XRCC2: variants seen among roughly 807,000 people sequenced by gnomAD.
XRCC2 encodes the protein X-ray repair cross complementing 2, also known as DNA repair protein XRCC2.
In XRCC2, 24 loss-of-function variants were observed where a neutral mutation model predicts 27.3. The ratio of observed to expected loss-of-function variants is 0.88; its 90% CI spans 0.64 to 1.24. XRCC2 has a LOEUF of 1.24. Ranked by LOEUF, XRCC2 falls within the 50% of genes most tolerant of loss-of-function variation. XRCC2 has a pLI of 0.00. For missense variants in XRCC2, 321 were observed against 325.8 expected (o/e 0.99, Z 0.11); for synonymous variants, 106 against 115.4 (o/e 0.92, Z 0.52).
rs766218058 is a variant in XRCC2, at chr7:152,676,098, C to A, written c.-19G>T. 3.0e-5 allele frequency: 49 copies of A among 1,613,716 alleles called. No individual in the cohort carries two copies. The highest frequency in any genetic ancestry group is 4.0e-5 in the Non-Finnish European group (47 of 1,179,790). The stretch of plus-strand genomic sequence containing the variant: ...TACACATCGCCCCGAAGGCTCGGCG[C>A]AGGAGAGACTCAACTTTCCCGCCAC... On this transcript the variant is annotated 5_prime_UTR_variant, in exon 1 of 3. Transcript: ENST00000359321.
intron 1 of XRCC2, among the ~76,000 whole-genome samples, chr7:152,675,310 G>A (rs1474448434): frequency 1.3e-5 from 2 of 152,070 alleles, no homozygotes; most frequent in African/African-American, 4.8e-5. Context: ...CATCTTCCAT[G>A]ATGCCCGCCC....
intron 1 of XRCC2, among the ~76,000 whole-genome samples, chr7:152,673,269 G>A (rs1049086826): frequency 2.0e-5 from 3 of 151,832 alleles, no homozygotes; most frequent in Non-Finnish European, 4.4e-5. Context: ...TGAAACCCCC[G>A]CCTCCCGGGT....
rs1332728626 is a variant in XRCC2 at position 152,645,022 on chromosome 7, T to C, written c.*3620A>G. 6.6e-6 allele frequency: 1 copy of C among 152,198 alleles called. No individual in the cohort carries two copies. The highest frequency in any genetic ancestry group is 2.4e-5 in the African/African-American group (1 of 41,456). 9.4% of individuals were successfully genotyped at this position (152,198 alleles called of 1,614,324 possible). A position where few individuals can be genotyped will look rare whatever the true frequency, so the allele number is the denominator to read the frequency against. On this transcript the variant is annotated 3_prime_UTR_variant, in exon 3 of 3. Coordinates refer to ENST00000359321, the MANE Select transcript of XRCC2 (RefSeq NM_005431.2). The stretch of plus-strand genomic sequence containing the variant: ...TCCAAGAATAGTTTTTATATTTTAT[T>C]TTCACATTGAAAATCAGTAAGATTT...
intron 2 of XRCC2, among the ~76,000 whole-genome samples, chr7:152,654,150 T>C (rs3218507): frequency 0.01 from 1,483 of 144,078 alleles, 17 homozygotes; most frequent in African/African-American, 0.023. Flanking sequence ...TGAGCCCAGA[T>C]TGCGCCATTG....
chr7:152,662,428 G>A (rs2098033520), intron 1 of XRCC2, among the ~76,000 whole-genome samples: 1 of 151,998 alleles, frequency 6.6e-6, no homozygotes, highest in Admixed American at 6.6e-5. Flanking sequence ...CAATCTCGGT[G>A]AAGGATTTAA....
In XRCC2 at chr7:152,647,344, G is replaced by A. The variant is rs897034402; in HGVS notation, c.*1298C>T. On this transcript the variant is annotated 3_prime_UTR_variant, in exon 3 of 3. Coordinates refer to ENST00000359321, the MANE Select transcript of XRCC2 (RefSeq NM_005431.2). ...GTTTGCAACAATTTTCTCCCATTCT[G>A]TAAGCTGTCTGTTTACTCTCTTGAT... 9.9e-5 allele frequency: 15 copies of A among 152,260 alleles called. No homozygotes were observed. The East Asian group carries it at 2.9e-3, about 29-fold the overall frequency. The allele number at this position is 152,260 out of a possible 1,614,324, so 9.4% of individuals were successfully genotyped here. A position where few individuals can be genotyped will look rare whatever the true frequency, so the allele number is the denominator to read the frequency against.
chr7:152,648,658 CCA>C lies in XRCC2; in HGVS notation c.825_826del (p.Ser275ArgfsTer3). 6.2e-7 allele frequency: 1 copy of C among 1,601,890 alleles called. No homozygotes were observed. Among genetic ancestry groups the C allele is most frequent in the South Asian group, 1.1e-5 (1 of 88,870 alleles). ...TGATGTATATCAACAAAATTCAACC[CCA>C]CTTTCTCCAATAATAAAAAAATGTT... On this transcript the variant is annotated frameshift_variant, in exon 3 of 3. Coordinates refer to ENST00000359321, the MANE Select transcript of XRCC2 (RefSeq NM_005431.2). LOFTEE classifies it high-confidence loss of function.
intron 1 of XRCC2, among the ~76,000 whole-genome samples, chr7:152,675,688 T>TGTTGGAAA (rs1488657880): frequency 1.3e-5 from 2 of 152,188 alleles, no homozygotes; most frequent in African/African-American, 4.8e-5. Flanking sequence ...AGCTTGACAT[T>TGTTGGAAA]TCCAACGGTA....
intron 2 of XRCC2, among the ~76,000 whole-genome samples, chr7:152,658,821 A>G (rs2098031827): frequency 6.6e-6 from 1 of 152,202 alleles, no homozygotes; most frequent in African/African-American, 2.4e-5. Flanking sequence ...TGTATACACC[A>G]CTCAACCATT....
At chr7:152,649,473 A>G (rs1261925001) in intron 2 of XRCC2, 110 bp from the exon 3 acceptor site, 3 of 1,355,078 alleles carry the variant, frequency 2.2e-6, no homozygotes, top group Non-Finnish European at 2.0e-6. Flanking sequence ...TGTGAAAGAA[A>G]ATCTAAATTC....
intron 2 of XRCC2, among the ~76,000 whole-genome samples, chr7:152,654,891 A>G (rs1187443332): frequency 6.6e-6 from 1 of 152,242 alleles, no homozygotes; most frequent in Non-Finnish European, 1.5e-5. Flanking sequence ...TTCCTCACAA[A>G]TATGTTTAAT....
At chr7:152,672,819 G>C (rs1195494712) in intron 1 of XRCC2, among the ~76,000 whole-genome samples, 1 of 152,146 alleles carries the variant, frequency 6.6e-6, no homozygotes, top group Non-Finnish European at 1.5e-5. Context: ...AAAAAACATG[G>C]TATGCTGTGC....
rs1362948658 is a variant in XRCC2, at chr7:152,649,375, T to G, written c.122-12A>C. 1 of 1,543,174 alleles carries G rather than the reference T, an allele frequency of 6.5e-7. No individual in the cohort carries two copies. Among genetic ancestry groups the G allele is most frequent in the Non-Finnish European group, 8.7e-7 (1 of 1,147,896 alleles). On this transcript the variant is annotated splice_polypyrimidine_tract_variant and intron_variant, in intron 2 of 2. Transcript: ENST00000359321. ...TTCAAGAATATCACCTGTGTAAAAT[T>G]TAAAAATCTCAGTCAAAATGCAGTA...
At chr7:152,651,610 T>A (rs2098028562) in intron 2 of XRCC2, among the ~76,000 whole-genome samples, 1 of 151,960 alleles carries the variant, frequency 6.6e-6, no homozygotes, top group South Asian at 2.1e-4. Flanking sequence ...TAAGAAGAAA[T>A]TTAAAAAATG....
At chr7:152,656,030 A>G (rs2098030578) in intron 2 of XRCC2, among the ~76,000 whole-genome samples, 1 of 152,128 alleles carries the variant, frequency 6.6e-6, no homozygotes. Context: ...ACACATGGAC[A>G]CAGGGAGGGG....
At position 152,648,569 on chromosome 7, in the gene XRCC2, G is replaced by C; in HGVS notation, c.*73C>G. On this transcript the variant is annotated 3_prime_UTR_variant, in exon 3 of 3. Transcript: ENST00000359321. ...CCACTGCACTCCAGCCTGGGAGACA[G>C]AGCAAGACTCTGTCTTAAGAAAAAT... is the stretch of plus-strand genomic sequence containing the variant. 2.7e-6 allele frequency: 4 copies of C among 1,478,802 alleles called. No individual in the cohort carries two copies. Among genetic ancestry groups the C allele is most frequent in the Non-Finnish European group, 3.6e-6 (4 of 1,115,634 alleles). The allele number at this position is 1,478,802 out of a possible 1,614,324, so 91.6% of individuals were successfully genotyped here.
At chr7:152,659,406 C>T (rs1319298081) in intron 2 of XRCC2, among the ~76,000 whole-genome samples, 2 of 152,146 alleles carry the variant, frequency 1.3e-5, no homozygotes, top group Non-Finnish European at 2.9e-5. Context: ...CTCCTGACCT[C>T]GTGATCTGCC....
chr7:152,654,506 G>A (rs1398884203), intron 2 of XRCC2, among the ~76,000 whole-genome samples: 2 of 152,196 alleles, frequency 1.3e-5, no homozygotes, highest in Non-Finnish European at 2.9e-5. Flanking sequence ...TCATGACAAT[G>A]AAAAACAGCA....
At chr7:152,672,229 A>G (rs2098038472) in intron 1 of XRCC2, among the ~76,000 whole-genome samples, 1 of 152,158 alleles carries the variant, frequency 6.6e-6, no homozygotes, top group African/African-American at 2.4e-5. Flanking sequence ...ATGAAGGAAC[A>G]TGGGATTCTA....
Sources: gnomAD v4.1 joint callset for allele counts (sites outside exome capture counted in the v4.1 genomes callset) on GRCh38, gnomAD v4.1.1 for gene constraint, MANE v1.5 for transcripts, NCBI Gene and HGNC (gene_info 2026-07-23, HGNC 2026-07-21) for gene names.